Variants in ZNF362 observed in about 807,000 individuals in gnomAD.
ZNF362 encodes the protein rotund homolog.
In ZNF362, 11 loss-of-function variants were observed where a neutral mutation model predicts 42.9. That is an observed-to-expected ratio of 0.26 (90% CI 0.16 to 0.42). ZNF362 has a LOEUF of 0.42. Among genes scored for constraint, ZNF362 ranks in the 20% least tolerant of loss-of-function variants. The pLI is 1.00. For missense variants in ZNF362, 362 were observed against 576.2 expected (o/e 0.63, Z 3.81); for synonymous variants, 255 against 257.3 (o/e 0.99, Z 0.09).
the ZNF362 span, among the ~76,000 whole-genome samples, chr1:33,178,178 C>G: frequency 1.3e-5 from 2 of 152,214 alleles, no homozygotes; most frequent in African/African-American, 2.4e-5. Flanking sequence ...GTTTCCCCAT[C>G]TGTCAAGTGG....
chr1:33,225,689 A>AT, the ZNF362 span, among the ~76,000 whole-genome samples: 1 of 152,200 alleles, frequency 6.6e-6, no homozygotes, highest in Admixed American at 6.5e-5. Context: ...AAACCCAACT[A>AT]TAAGTGACTT....
chr1:33,290,332 C>A (rs369250781), intron 6 of ZNF362, among the ~76,000 whole-genome samples: 6 of 151,450 alleles, frequency 4.0e-5, no homozygotes, highest in Non-Finnish European at 8.8e-5. Flanking sequence ...TTTGTCCTTG[C>A]GATAGTTTGC....
the ZNF362 span, among the ~76,000 whole-genome samples, chr1:33,156,843 G>A: frequency 3.9e-5 from 6 of 151,964 alleles, no homozygotes; most frequent in Admixed American, 1.3e-4. Context: ...TATCTCCCTC[G>A]TCTTCTTTCT....
chr1:33,270,936 C>CG (rs1167302020), intron 2 of ZNF362, among the ~76,000 whole-genome samples: 2 of 152,130 alleles, frequency 1.3e-5, no homozygotes, highest in Non-Finnish European at 2.9e-5. Flanking sequence ...AGTGGGCCTC[C>CG]TGGGCTCCAC....
intron 2 of ZNF362, among the ~76,000 whole-genome samples, chr1:33,272,332 G>C (rs1645910439): frequency 2.0e-5 from 3 of 152,176 alleles, no homozygotes; most frequent in Admixed American, 6.5e-5. Context: ...GGGGAGGGCA[G>C]AGTTCTTTCC....
chr1:33,286,252 T>C (rs1646031668), intron 6 of ZNF362, among the ~76,000 whole-genome samples: 1 of 152,110 alleles, frequency 6.6e-6, no homozygotes, highest in East Asian at 1.9e-4. Context: ...GACCTGGATC[T>C]GAGAAAGGCG....
chr1:33,244,282 C>G, the ZNF362 span, among the ~76,000 whole-genome samples: 7 of 152,188 alleles, frequency 4.6e-5, no homozygotes, highest in Admixed American at 6.5e-5. This position sits in a 1 kb window ranked among gnomAD's most constrained non-coding sequence, Gnocchi z 4.0. Context: ...AGTCTTCTGT[C>G]TGGGCCTAGG....
At chr1:33,136,573 T>C in the ZNF362 span, among the ~76,000 whole-genome samples, 2 of 150,970 alleles carry the variant, frequency 1.3e-5, no homozygotes, top group African/African-American at 4.9e-5. Flanking sequence ...TTTCGCCATG[T>C]TGGGCAGGCT....
Position 33,295,205 on chromosome 1 carries a change from C to T in ZNF362, c.1046C>T (p.Ala349Val). Residue 349 changes from alanine (A) to valine (V), a missense_variant, in exon 8 of 9, where the codon GCC becomes GTC. Coordinates refer to ENST00000539719, the MANE Select transcript of ZNF362 (RefSeq NM_152493.3). ...KPYKCPNCYR[A>V]YSDSASLQIH... ...TACAAGTGTCCCAACTGCTACCGGG[C>T]CTATTCGGACTCCGCTTCTTTGCAG... 1.9e-6 allele frequency: 3 copies of T among 1,614,212 alleles called. No individual in the cohort carries two copies. Among genetic ancestry groups the T allele is most frequent in the Non-Finnish European group, 2.5e-6 (3 of 1,180,030 alleles).
the ZNF362 span, among the ~76,000 whole-genome samples, chr1:33,244,130 A>G: frequency 6.6e-6 from 1 of 151,902 alleles, no homozygotes; most frequent in African/African-American, 2.4e-5. This position sits in a 1 kb window ranked among gnomAD's most constrained non-coding sequence, Gnocchi z 4.0. Flanking sequence ...TACAAAGCAG[A>G]GAGCTTTGTT....
chr1:33,204,647 T>A, the ZNF362 span, among the ~76,000 whole-genome samples: 1 of 152,206 alleles, frequency 6.6e-6, no homozygotes, highest in East Asian at 1.9e-4. Context: ...CAATTTCAAA[T>A]GGCATTTATG....
chr1:33,131,719 T>A, the ZNF362 span, among the ~76,000 whole-genome samples: 1 of 152,174 alleles, frequency 6.6e-6, no homozygotes, highest in Non-Finnish European at 1.5e-5. Flanking sequence ...TTATTTTGGC[T>A]ATTAGAAAAT....
At chr1:33,192,647 T>C in the ZNF362 span, among the ~76,000 whole-genome samples, 2 of 151,958 alleles carry the variant, frequency 1.3e-5, no homozygotes, top group African/African-American at 4.8e-5. Flanking sequence ...ATATGAAGGG[T>C]AAGGGAACCA....
chr1:33,193,004 C>CACACACACACACACACATATAT, the ZNF362 span, among the ~76,000 whole-genome samples: 1 of 137,202 alleles, frequency 7.3e-6, no homozygotes, highest in Non-Finnish European at 1.6e-5. Context: ...CACACACACA[C>CACACACACACACACACATATAT]ATATATATAT....
intron 6 of ZNF362, among the ~76,000 whole-genome samples, chr1:33,290,274 T>C (rs982017762): frequency 5.3e-5 from 8 of 152,146 alleles, no homozygotes; most frequent in African/African-American, 1.7e-4. Flanking sequence ...CGAAGTGTTT[T>C]CATTGTTCAA....
At chr1:33,232,392 G>A in the ZNF362 span, among the ~76,000 whole-genome samples, 5 of 152,178 alleles carry the variant, frequency 3.3e-5, no homozygotes, top group East Asian at 3.9e-4. Flanking sequence ...AGCCACCCAA[G>A]TAACTACAGG....
At chr1:33,261,574 C>T (rs923699108) in intron 1 of ZNF362, 5 of 152,184 alleles carry the variant, frequency 3.3e-5, no homozygotes, top group African/African-American at 9.7e-5. Context: ...GAGTTCCTAT[C>T]TCTTTAGCCT....
chr1:33,216,530 G>C, the ZNF362 span, among the ~76,000 whole-genome samples: 1 of 133,102 alleles, frequency 7.5e-6, no homozygotes, highest in South Asian at 2.7e-4. Context: ...AACCCAGGAG[G>C]CAGAGGTTGC....
chr1:33,172,218 A>G, the ZNF362 span, among the ~76,000 whole-genome samples: 2 of 152,208 alleles, frequency 1.3e-5, no homozygotes, highest in African/African-American at 4.8e-5. Context: ...CATAGTAACT[A>G]TATGTAAAGT....
Sources: gnomAD v4.1 joint callset for allele counts (sites outside exome capture counted in the v4.1 genomes callset) on GRCh38, gnomAD v4.1.1 for gene constraint, Gnocchi (gnomAD v3.1) non-coding constraint, MANE v1.5 for transcripts, NCBI Gene and HGNC (gene_info 2026-07-23, HGNC 2026-07-21) for gene names.